Variants in SNTG2 observed in about 807,000 individuals in gnomAD.
SNTG2 encodes the protein syntrophin gamma 2, also known as gamma-2-syntrophin.
Under a neutral mutation model 70.9 loss-of-function variants are expected in SNTG2, and 74 were observed. The observed-to-expected ratio is 1.04, with a 90% CI of 0.86 to 1.27. The LOEUF is 1.27. SNTG2 is among the 50% of genes most tolerant of loss of function. SNTG2 has a pLI of 0.00. For synonymous variants in SNTG2, 278 were observed against 273.8 expected, an observed-to-expected ratio of 1.02 and a Z score of -0.15; for missense variants, 717 against 690.7, an observed-to-expected ratio of 1.04 and a Z score of -0.43.
intron 6 of SNTG2, among the ~76,000 whole-genome samples, chr2:1,154,980 TACACCACACATATACACAC>T (rs1211945939): frequency 3.2e-5 from 4 of 125,752 alleles, no homozygotes; most frequent in African/African-American, 1.2e-4. Context: ...ATATACCACA[TACACCACACATATACACAC>T]ACACAAACAA....
chr2:1,362,184 A>AGAACTTCCATGAAGGT (rs1661208818), intron 16 of SNTG2, among the ~76,000 whole-genome samples: 6 of 104,414 alleles, frequency 5.7e-5, no homozygotes, highest in East Asian at 3.2e-4. Flanking sequence ...TCCATGAGAT[A>AGAACTTCCATGAAGGT]CACCGATGCT....
rs61390988 is a variant in SNTG2, at chr2:995,667, T to G, written c.72+44599T>G. ...ATATTTGGCAGAATTCACTAGAAACTACTATTTCATTTCTGTGTTTGCTGG... is the reference window on the plus strand; with the variant it reads ...ATATTTGGCAGAATTCACTAGAAACGACTATTTCATTTCTGTGTTTGCTGG... On this transcript the variant is annotated intron_variant, in intron 1 of 16. Coordinates refer to ENST00000308624, the MANE Select transcript of SNTG2 (RefSeq NM_018968.4). Among the ~76,000 whole-genome samples, 314 of 150,198 alleles carry G rather than the reference T, an allele frequency of 2.1e-3. 1 individual carries two copies. Among genetic ancestry groups the G allele is most frequent in the African/African-American group, 7.2e-3 (294 of 41,038 alleles).
intron 9 of SNTG2, among the ~76,000 whole-genome samples, chr2:1,236,133 T>C (rs888628631): frequency 1.3e-5 from 2 of 152,150 alleles, no homozygotes; most frequent in Non-Finnish European, 2.9e-5. Flanking sequence ...CATGAACAAA[T>C]GAGAAATGAT....
intron 1 of SNTG2, among the ~76,000 whole-genome samples, chr2:1,008,840 G>T (rs1226391320): frequency 2.6e-5 from 4 of 152,118 alleles, no homozygotes; most frequent in Non-Finnish European, 5.9e-5. Flanking sequence ...GGTTTCCCAG[G>T]TTTTGTGCTC....
chr2:1,321,920 C>CTTT (rs1156914330), intron 16 of SNTG2, among the ~76,000 whole-genome samples: 1 of 139,674 alleles, frequency 7.2e-6, no homozygotes, highest in Non-Finnish European at 1.5e-5. Context: ...CTCCTTCCTT[C>CTTT]CTTCCTTCTC....
At position 1,165,620 on chromosome 2, in the gene SNTG2, C is replaced by G. The variant is rs781634417; in HGVS notation, c.484C>G (p.Leu162Val). 6.2e-7 allele frequency: 1 copy of G among 1,612,718 alleles called. No individual in the cohort carries two copies. Among genetic ancestry groups the G allele is most frequent in the Admixed American group, 1.7e-5 (1 of 59,792 alleles). The change falls in exon 7 of 17, where the codon CTG (leucine) becomes GTG (valine). Residue 162 changes from leucine (L) to valine (V), a missense_variant. Coordinates refer to ENST00000308624, the MANE Select transcript of SNTG2 (RefSeq NM_018968.4). ...GTATCTCAGGGAAGCGCCGGCATTT[C>G]TGAAGCTCCCGTTAGGTAAGTGGGA... ...VEYLREAPAF[L>V]KLPLGSPGPS...
intron 8 of SNTG2, among the ~76,000 whole-genome samples, chr2:1,199,366 G>A (rs1339129146): frequency 1.3e-5 from 2 of 151,614 alleles, no homozygotes; most frequent in Non-Finnish European, 3.0e-5. Context: ...TTAGGGAAGG[G>A]ATAAACTTCA....
chr2:1,241,462 T>C (rs956434901), intron 11 of SNTG2, among the ~76,000 whole-genome samples: 36 of 150,288 alleles, frequency 2.4e-4, no homozygotes, highest in Admixed American at 2.4e-3. Context: ...AGGAAAGCAT[T>C]TTCTTTTTTT....
intron 9 of SNTG2, among the ~76,000 whole-genome samples, chr2:1,221,317 C>T (rs999651029): frequency 1.5e-4 from 23 of 151,518 alleles, no homozygotes; most frequent in African/African-American, 3.6e-4. Flanking sequence ...GTCTCTGTCT[C>T]TCCCTGTCTC....
At chr2:1,027,676 G>C (rs1195629373) in intron 1 of SNTG2, among the ~76,000 whole-genome samples, 2 of 139,618 alleles carry the variant, frequency 1.4e-5, no homozygotes, top group Admixed American at 7.5e-5. Context: ...CTGAAGGTGC[G>C]TCTGACCTAC....
chr2:1,129,063 C>T (rs1017165390), intron 4 of SNTG2, among the ~76,000 whole-genome samples: 5 of 152,058 alleles, frequency 3.3e-5, no homozygotes, highest in African/African-American at 9.7e-5. Flanking sequence ...GAATCGACCT[C>T]GAATAAACGA....
intron 6 of SNTG2, among the ~76,000 whole-genome samples, chr2:1,164,786 T>C (rs1456048378): frequency 3.9e-5 from 6 of 151,910 alleles, no homozygotes; most frequent in African/African-American, 1.5e-4. Context: ...TTGCCCAAAC[T>C]GTTGGCAGGC....
At chr2:1,324,276 C>G (rs1681671849) in intron 16 of SNTG2, among the ~76,000 whole-genome samples, 1 of 152,186 alleles carries the variant, frequency 6.6e-6, no homozygotes, top group Admixed American at 6.5e-5. Flanking sequence ...AGCCTTCAGT[C>G]AAGTCTCTGA....
At chr2:1,178,738 C>A (rs1457742576) in intron 8 of SNTG2, among the ~76,000 whole-genome samples, 1 of 151,816 alleles carries the variant, frequency 6.6e-6, no homozygotes, top group East Asian at 1.9e-4. Flanking sequence ...CATCAATGTT[C>A]ATCAAGGATA....
intron 6 of SNTG2, among the ~76,000 whole-genome samples, chr2:1,146,433 A>G (rs969671871): frequency 2.6e-5 from 4 of 152,248 alleles, no homozygotes; most frequent in African/African-American, 9.6e-5. Context: ...GTCTATGTTC[A>G]TGAATAGGGA....
chr2:1,276,308 T>G, intron 14 of SNTG2, among the ~76,000 whole-genome samples: 1 of 152,240 alleles, frequency 6.6e-6, no homozygotes, highest in East Asian at 1.9e-4. Context: ...ATTGCCTGAC[T>G]TCAAAGCACC....
At chr2:1,287,789 G>A (rs1424287509) in intron 14 of SNTG2, among the ~76,000 whole-genome samples, 1 of 152,202 alleles carries the variant, frequency 6.6e-6, no homozygotes, top group Non-Finnish European at 1.5e-5. Flanking sequence ...CATGAAAAGG[G>A]CCCAAGCAGC....
At chr2:1,288,540 C>A (rs1346648015) in intron 14 of SNTG2, among the ~76,000 whole-genome samples, 2 of 152,190 alleles carry the variant, frequency 1.3e-5, no homozygotes, top group African/African-American at 4.8e-5. Flanking sequence ...ACACATGACA[C>A]ACACATGCAT....
intron 9 of SNTG2, among the ~76,000 whole-genome samples, chr2:1,211,690 G>C (rs888275107): frequency 3.3e-5 from 5 of 152,076 alleles, no homozygotes; most frequent in African/African-American, 1.2e-4. Flanking sequence ...CAGATCTCGT[G>C]ATTCTTATTC....
Sources: gnomAD v4.1 joint callset for allele counts (sites outside exome capture counted in the v4.1 genomes callset) on GRCh38, gnomAD v4.1.1 for gene constraint, MANE v1.5 for transcripts, NCBI Gene and HGNC (gene_info 2026-07-23, HGNC 2026-07-21) for gene names.